SAMD5: variants seen among roughly 807,000 people sequenced by gnomAD.
The protein encoded by SAMD5 is sterile alpha motif domain-containing protein 5.
Under a neutral mutation model 11.3 loss-of-function variants are expected in SAMD5, and 13 were observed. The ratio of observed to expected loss-of-function variants is 1.15; its 90% CI spans 0.75 to 1.83. The LOEUF (loss-of-function observed/expected upper bound fraction) is 1.83. Among genes scored for constraint, SAMD5 ranks in the 40% most tolerant of loss-of-function variants. SAMD5 has a pLI of 0.00. For synonymous variants in SAMD5, 129 were observed against 111.3 expected (o/e 1.16, Z -1.00); for missense variants, 255 against 239.1 (o/e 1.07, Z -0.44).
rs532431010 is a variant in SAMD5, at chr6:147,569,397, G to A, written c.*4941G>A. The A allele has an allele frequency of 3.0e-5, 29 of 958,110 alleles. No individual in the cohort carries two copies. The African/African-American group carries it at 4.8e-4, about 16-fold the overall frequency. The allele number at this position is 958,110 out of a possible 1,614,324, so 59.4% of individuals were successfully genotyped here. A position where few individuals can be genotyped will look rare whatever the true frequency, so the allele number is the denominator to read the frequency against. ...CAAGAGGCTAAATTCCATGTTAAGA[G>A]CTAAGTAGTATTTTTTTCTTAACAA... On this transcript the variant is annotated 3_prime_UTR_variant, in exon 2 of 2. Coordinates refer to ENST00000367474, the MANE Select transcript of SAMD5 (RefSeq NM_001030060.3).
At chr6:147,617,663 T>A (rs1245744083) in intron 1 of SAMD5, among the ~76,000 whole-genome samples, 1 of 152,200 alleles carries the variant, frequency 6.6e-6, no homozygotes, top group African/African-American at 2.4e-5. Context: ...GGTCTCTTTC[T>A]CCACTGTGTC....
chr6:147,575,756 G>A (rs1789208618), intron 1 of SAMD5, among the ~76,000 whole-genome samples: 1 of 152,058 alleles, frequency 6.6e-6, no homozygotes, highest in Non-Finnish European at 1.5e-5. Context: ...TCTCCAGTGG[G>A]TCTCTGACAT....
At chr6:147,649,756 G>A (rs1007901757) in intron 1 of SAMD5, among the ~76,000 whole-genome samples, 2 of 147,594 alleles carry the variant, frequency 1.4e-5, no homozygotes, top group Non-Finnish European at 3.0e-5. Flanking sequence ...GCGCCACTGC[G>A]CTCCAGCCTT....
At chr6:147,540,783 G>GA (rs1788588231) in intron 1 of SAMD5, among the ~76,000 whole-genome samples, 1 of 151,906 alleles carries the variant, frequency 6.6e-6, no homozygotes, top group East Asian at 1.9e-4. Context: ...GAGAGGGGGG[G>GA]GGTCCAGAAA....
the SAMD5 span, among the ~76,000 whole-genome samples, chr6:147,838,604 G>T: frequency 7.1e-6 from 1 of 140,288 alleles, no homozygotes; most frequent in South Asian, 2.2e-4. Flanking sequence ...TTTGTTCCTT[G>T]ATGCAATTTT....
the SAMD5 span, among the ~76,000 whole-genome samples, chr6:147,917,841 C>A: frequency 0.01 from 1,547 of 152,150 alleles, 45 homozygotes; most frequent in Admixed American, 0.067. Context: ...TTGTTTTTGT[C>A]GGGTTTGTCA....
the SAMD5 span, among the ~76,000 whole-genome samples, chr6:147,926,294 A>G: frequency 6.6e-6 from 1 of 152,078 alleles, no homozygotes; most frequent in Non-Finnish European, 1.5e-5. Flanking sequence ...GCTAATTTAC[A>G]CTCCTGTTGA....
the SAMD5 span, among the ~76,000 whole-genome samples, chr6:147,765,804 A>G: frequency 6.6e-6 from 1 of 152,194 alleles, no homozygotes; most frequent in Non-Finnish European, 1.5e-5. Flanking sequence ...TGGAACTCTT[A>G]TCTCTAGAGA....
At chr6:147,924,672 A>C in the SAMD5 span, among the ~76,000 whole-genome samples, 1 of 151,798 alleles carries the variant, frequency 6.6e-6, no homozygotes, top group East Asian at 1.9e-4. Context: ...CTAATATATA[A>C]ATAAACCAAA....
chr6:147,681,293 T>G (rs553647572), intron 1 of SAMD5, among the ~76,000 whole-genome samples: 2 of 152,188 alleles, frequency 1.3e-5, no homozygotes, highest in Non-Finnish European at 2.9e-5. Flanking sequence ...AAGTTTACTC[T>G]TTTCTTCTGT....
chr6:147,550,069 A>G (rs73002159), intron 1 of SAMD5, among the ~76,000 whole-genome samples: 90 of 151,622 alleles, frequency 5.9e-4, no homozygotes, highest in Non-Finnish European at 8.1e-4. Flanking sequence ...ACATAGCAAG[A>G]CCTTTGTCTC....
intron 1 of SAMD5, among the ~76,000 whole-genome samples, chr6:147,640,568 A>G (rs1445900769): frequency 1.3e-5 from 2 of 151,702 alleles, no homozygotes; most frequent in Non-Finnish European, 2.9e-5. Context: ...AATCTAGTCA[A>G]GATTCAAGGA....
intron 1 of SAMD5, among the ~76,000 whole-genome samples, chr6:147,560,911 A>G (rs1411209456): frequency 1.3e-5 from 2 of 152,186 alleles, no homozygotes; most frequent in Admixed American, 6.5e-5. Flanking sequence ...TCACAACCCA[A>G]GAATTAGGTT....
intron 1 of SAMD5, among the ~76,000 whole-genome samples, chr6:147,692,744 A>G (rs1791121548): frequency 6.6e-6 from 1 of 152,244 alleles, no homozygotes. Context: ...TCTAGGCAAC[A>G]GCCAGAATGT....
At position 147,515,061 on chromosome 6, in the gene SAMD5, C is replaced by A. The variant is rs137945863; in HGVS notation, c.459+5674C>A. Among the ~76,000 whole-genome samples the A allele has an allele frequency of 3.1e-3, 473 of 152,116 alleles. 2 individuals carry two copies. Among genetic ancestry groups the A allele is most frequent in the African/African-American group, 0.011 (453 of 41,524 alleles). On this transcript the variant is annotated intron_variant, in intron 1 of 1. Coordinates refer to ENST00000367474, the MANE Select transcript of SAMD5 (RefSeq NM_001030060.3). ...GAAATGGCAATAAATATTCCTCCTC[C>A]CAAGAATTCCTTCTGCGTTCGTGAC...
chr6:147,878,395 C>T, the SAMD5 span, among the ~76,000 whole-genome samples: 2 of 151,722 alleles, frequency 1.3e-5, no homozygotes, highest in Non-Finnish European at 2.9e-5. Flanking sequence ...GTTTTACTAT[C>T]ATGGCCTAAT....
Position 147,644,369 on chromosome 6 carries a change from C to T in SAMD5, c.163-92948C>T, listed in dbSNP as rs188437418. ...CGCATTAGAGATAAATGGACAAAGA[C>T]AGTTTACTCACATTCTTTGGAAAAT... On this transcript the variant is annotated intron_variant, in intron 1 of 1. Transcript: ENST00000566741. 1.4e-4 allele frequency among the ~76,000 whole-genome samples: 21 copies of T among 152,226 alleles called. No homozygotes were observed. The East Asian group carries it at 3.9e-3, about 28-fold the overall frequency.
chr6:147,784,477 T>A, the SAMD5 span, among the ~76,000 whole-genome samples: 1 of 152,220 alleles, frequency 6.6e-6, no homozygotes, highest in Non-Finnish European at 1.5e-5. Flanking sequence ...CTGAAAATTT[T>A]CTTATTAACC....
chr6:147,562,273 G>C lies in SAMD5; in HGVS notation c.460-2121G>C, dbSNP rs565278709. On this transcript the variant is annotated intron_variant, in intron 1 of 1. Coordinates refer to ENST00000367474, the MANE Select transcript of SAMD5 (RefSeq NM_001030060.3). Reference sequence around the variant, plus strand: ...AGCATCATGTCTCTGACTTCAGGCAGAAGTCTGTTGAACATGGGGCAGACA... The same window carrying C: ...AGCATCATGTCTCTGACTTCAGGCACAAGTCTGTTGAACATGGGGCAGACA... Among the ~76,000 whole-genome samples, 27 of 152,330 alleles carry C rather than the reference G, an allele frequency of 1.8e-4. No individual in the cohort carries two copies. The South Asian group carries it at 5.2e-3, about 29-fold the overall frequency.
Sources: gnomAD v4.1 joint callset for allele counts (sites outside exome capture counted in the v4.1 genomes callset) on GRCh38, gnomAD v4.1.1 for gene constraint, MANE v1.5 for transcripts, NCBI Gene and HGNC (gene_info 2026-07-23, HGNC 2026-07-21) for gene names.